RPRD1A: variants seen among roughly 807,000 people sequenced by gnomAD.
RPRD1A encodes the protein regulation of nuclear pre-mRNA domain-containing protein 1A.
RPRD1A carries 9 observed loss-of-function variants against 37.8 expected under a neutral mutation model. That is an observed-to-expected ratio of 0.24 (90% confidence interval 0.14 to 0.42). RPRD1A has a LOEUF of 0.42. Ranked by LOEUF, RPRD1A falls within the 10% of genes least tolerant of loss-of-function variation. The pLI is 1.00. For missense variants in RPRD1A, 255 were observed against 371.0 expected, an observed-to-expected ratio of 0.69 and a Z score of 2.57; for synonymous variants, 138 against 139.7, an observed-to-expected ratio of 0.99 and a Z score of 0.08.
chr18:36,045,335 G>C (rs1912877760), intron 1 of RPRD1A, among the ~76,000 whole-genome samples: 1 of 152,194 alleles, frequency 6.6e-6, no homozygotes, highest in African/African-American at 2.4e-5. Flanking sequence ...AATATGTACT[G>C]TATTTCAGAA....
At chr18:36,025,244 C>T (rs1911280446) in intron 6 of RPRD1A, 1 of 156,666 alleles carries the variant, frequency 6.4e-6, no homozygotes, top group Admixed American at 6.3e-5. Flanking sequence ...CTTAATCTTC[C>T]TGTGCCTCAG....
At chr18:36,047,426 AAAG>A (rs148710125) in intron 1 of RPRD1A, among the ~76,000 whole-genome samples, 2,085 of 152,224 alleles carry the variant, frequency 0.014, 55 homozygotes, top group African/African-American at 0.047. Context: ...GAACCTAGAA[AAAG>A]AAGAAGAAAA....
At chr18:36,030,717 A>G (rs2144290673) in intron 4 of RPRD1A, 91 bp downstream of exon 4, 1 of 734,460 alleles carries the variant, frequency 1.4e-6, no homozygotes, top group South Asian at 1.8e-5. Flanking sequence ...TATAATAGAA[A>G]TCAATTTACA....
At chr18:36,023,878 G>C (rs950341719) in intron 6 of RPRD1A, among the ~76,000 whole-genome samples, 1 of 152,162 alleles carries the variant, frequency 6.6e-6, no homozygotes, top group Admixed American at 6.5e-5. Context: ...CTAATGCTTA[G>C]ACAACAGTAA....
intron 6 of RPRD1A, among the ~76,000 whole-genome samples, chr18:35,996,215 T>C (rs557332829): frequency 9.3e-4 from 141 of 152,340 alleles, no homozygotes; most frequent in Non-Finnish European, 1.6e-3. Flanking sequence ...GAATTTTCTA[T>C]ACTCTCTTCA....
rs539576344 is a variant in RPRD1A, at chr18:36,067,238, T to C, written c.151+16A>G. 1.3e-6 allele frequency: 2 copies of C among 1,566,026 alleles called. No individual in the cohort carries two copies. The highest frequency in any genetic ancestry group is 1.4e-5 in the African/African-American group (1 of 73,124). ...GCCGGGTGGTGGGAAGCGGCCGACA[T>C]AAGCGGTTGACTCACCTTTCCGCAG... On this transcript the variant is annotated intron_variant, in intron 1 of 6. Transcript: ENST00000399022.
At chr18:36,032,411 T>C (rs17562998) in intron 2 of RPRD1A, among the ~76,000 whole-genome samples, 2,643 of 152,296 alleles carry the variant, frequency 0.017, 33 homozygotes, top group Middle Eastern at 0.027. Context: ...CTGTAGACTA[T>C]AGACTGTGTG....
rs1013063009 is a variant in RPRD1A, at chr18:36,005,315, A to T, written c.790-12015T>A. On this transcript the variant is annotated intron_variant, in intron 6 of 6. Transcript: ENST00000399022. ...GACTCTGTCTCAAAAAAAATAAAAT[A>T]AAAAAAAACTGCATATTTGCAACTA... 2.3e-4 allele frequency among the ~76,000 whole-genome samples: 34 copies of T among 150,134 alleles called. 1 individual carries two copies. Among genetic ancestry groups the T allele is most frequent in the Admixed American group, 1.2e-3 (18 of 15,128 alleles).
intron 1 of RPRD1A, among the ~76,000 whole-genome samples, chr18:36,045,465 T>C (rs1912888643): frequency 6.6e-6 from 1 of 152,178 alleles, no homozygotes; most frequent in Non-Finnish European, 1.5e-5. Context: ...ATAGTTTCTG[T>C]CTGGGAAAGG....
rs1476456869 is a variant in RPRD1A, at chr18:36,061,507, T to C, written c.151+5747A>G. Among the ~76,000 whole-genome samples the C allele has an allele frequency of 3.9e-5, 6 of 152,208 alleles. No individual in the cohort carries two copies. The East Asian group carries it at 9.6e-4, about 24-fold the overall frequency. On this transcript the variant is annotated intron_variant, in intron 1 of 6. Coordinates refer to ENST00000399022, the MANE Select transcript of RPRD1A (RefSeq NM_018170.5). ...TTTTGTACAGCTCTTATAGAGATCT[T>C]TCAGCGAGTGTGTGTAGAAAAGAGC... is the stretch of plus-strand genomic sequence containing the variant.
chr18:36,034,272 A>G (rs549889701), intron 1 of RPRD1A, among the ~76,000 whole-genome samples: 25 of 152,228 alleles, frequency 1.6e-4, no homozygotes, highest in Non-Finnish European at 3.1e-4. Flanking sequence ...ATGTCCCTTC[A>G]ATCAATTACT....
At chr18:35,995,565 G>C (rs961727697) in intron 6 of RPRD1A, among the ~76,000 whole-genome samples, 6 of 152,092 alleles carry the variant, frequency 3.9e-5, no homozygotes, top group African/African-American at 1.4e-4. Context: ...ACTGTGCCCG[G>C]CCTTGTCTCC....
intron 1 of RPRD1A, among the ~76,000 whole-genome samples, chr18:36,052,228 T>G (rs561063170): frequency 3.5e-4 from 52 of 148,556 alleles, no homozygotes; most frequent in Non-Finnish European, 6.8e-4. Flanking sequence ...AAGGAGAAAT[T>G]AAGACATTTC....
chr18:36,039,041 T>C (rs928641926), intron 1 of RPRD1A, among the ~76,000 whole-genome samples: 6 of 152,200 alleles, frequency 3.9e-5, no homozygotes, highest in Admixed American at 3.3e-4. Flanking sequence ...GAGTTAATGC[T>C]AGAATGAGTT....
chr18:36,016,592 T>C (rs893039522), intron 6 of RPRD1A, among the ~76,000 whole-genome samples: 1 of 152,188 alleles, frequency 6.6e-6, no homozygotes, highest in Admixed American at 6.5e-5. Flanking sequence ...TAAATTATTT[T>C]ACTTCTAGGA....
rs1017120818 is a variant in RPRD1A, at chr18:35,990,456, C to T, written c.*2695G>A. 2 of 152,174 alleles carry T rather than the reference C, an allele frequency of 1.3e-5. No homozygotes were observed. The highest frequency in any genetic ancestry group is 6.5e-5 in the Admixed American group (1 of 15,270). 9.4% of individuals were successfully genotyped at this position (152,174 alleles called of 1,614,324 possible). ...AGATACCAAAATAGCTGCATCTGGA[C>T]AGGGAGGTTGGCTATTGAGCACAGC... On this transcript the variant is annotated 3_prime_UTR_variant, in exon 7 of 7. Coordinates refer to ENST00000399022, the MANE Select transcript of RPRD1A (RefSeq NM_018170.5).
At position 35,991,605 on chromosome 18, in the gene RPRD1A, C is replaced by T. The variant is rs1908720060; in HGVS notation, c.*1546G>A. ...TATTCTTTCTGTGAGAAAATGCACCCCAAGTCCCAAAAGTTGACTAAAAAC... is the reference window on the plus strand; with the variant it reads ...TATTCTTTCTGTGAGAAAATGCACCTCAAGTCCCAAAAGTTGACTAAAAAC... On this transcript the variant is annotated 3_prime_UTR_variant, in exon 7 of 7. Coordinates refer to ENST00000399022, the MANE Select transcript of RPRD1A (RefSeq NM_018170.5). 6.6e-6 allele frequency: 1 copy of T among 152,118 alleles called. No individual in the cohort carries two copies. The highest frequency in any genetic ancestry group is 2.4e-5 in the African/African-American group (1 of 41,410). The allele number at this position is 152,118 out of a possible 1,614,324, so 9.4% of individuals were successfully genotyped here.
At chr18:36,011,117 A>C (rs1910151899) in intron 6 of RPRD1A, among the ~76,000 whole-genome samples, 2 of 152,180 alleles carry the variant, frequency 1.3e-5, no homozygotes, top group Non-Finnish European at 2.9e-5. Flanking sequence ...TGGGGGCTAA[A>C]ACCTCTGAGG....
chr18:36,050,359 T>C lies in RPRD1A; in HGVS notation c.152-16522A>G, dbSNP rs182168604. Among the ~76,000 whole-genome samples, 94 of 152,152 alleles carry C rather than the reference T, an allele frequency of 6.2e-4. 1 individual carries two copies. The highest frequency in any genetic ancestry group is 2.2e-3 in the African/African-American group (91 of 41,518). ...TTGGGGATCCTCCAACCTCAGAGTA[T>C]GTTGTTCAATGGAAAACTGTGCAAT... On this transcript the variant is annotated intron_variant, in intron 1 of 6. Coordinates refer to ENST00000399022, the MANE Select transcript of RPRD1A (RefSeq NM_018170.5).
Sources: allele counts gnomAD v4.1 joint callset (sites outside exome capture counted in the v4.1 genomes callset), GRCh38; gene constraint gnomAD v4.1.1; transcripts MANE v1.5; gene names NCBI Gene and HGNC (gene_info 2026-07-23, HGNC 2026-07-21).